Variants in KCNN3 observed in about 807,000 individuals in gnomAD.
The protein encoded by KCNN3 is small conductance calcium-activated potassium channel protein 3.
In KCNN3, 16 loss-of-function variants were observed where a neutral mutation model predicts 62.9. That is an observed-to-expected ratio of 0.25 (90% CI 0.17 to 0.39). KCNN3 has a LOEUF of 0.39. Among genes scored for constraint, KCNN3 ranks in the 10% least tolerant of loss-of-function variants. The probability of loss-of-function intolerance (pLI) is 1.00; values close to 1 mark genes in which losing one functional copy is unlikely to be tolerated. For missense variants in KCNN3, 599 were observed against 949.4 expected (o/e 0.63, Z 4.85); for synonymous variants, 370 against 389.2 (o/e 0.95, Z 0.58).
intron 3 of KCNN3, among the ~76,000 whole-genome samples, chr1:154,761,461 C>G (rs1648010216): frequency 6.6e-6 from 1 of 152,098 alleles, no homozygotes; most frequent in South Asian, 2.1e-4. Flanking sequence ...GAGCGAGACT[C>G]TATCTCATAA....
chr1:154,759,966 TTTA>T (rs1317276418), intron 3 of KCNN3, among the ~76,000 whole-genome samples: 1 of 152,084 alleles, frequency 6.6e-6, no homozygotes, highest in East Asian at 1.9e-4. Context: ...TCTTTTTTAT[TTTA>T]TTTTCTCTCT....
intron 2 of KCNN3, among the ~76,000 whole-genome samples, chr1:154,805,035 G>A (rs1650111438): frequency 1.3e-5 from 2 of 152,332 alleles, no homozygotes; most frequent in South Asian, 4.1e-4. Flanking sequence ...AGACAGCCAT[G>A]CAAGAGGGGC....
In KCNN3 at chr1:154,704,866, CG is replaced by C. The variant is rs1464070632; in HGVS notation, c.*3109del. 1.3e-5 allele frequency: 2 copies of C among 151,944 alleles called. No homozygotes were observed. Among genetic ancestry groups the C allele is most frequent in the East Asian group, 1.9e-4 (1 of 5,194 alleles). The allele number at this position is 151,944 out of a possible 1,614,324, so 9.4% of individuals were successfully genotyped here. A position where few individuals can be genotyped will look rare whatever the true frequency, so the allele number is the denominator to read the frequency against. On this transcript the variant is annotated 3_prime_UTR_variant, in exon 8 of 8. Transcript: ENST00000271915. ...CTTGGCTCACTGCAACCTCCACTTC[CG>C]GGGTTCAAGTGATTCTCCTGCCGCA...
chr1:154,736,164 C>G (rs556983344), intron 3 of KCNN3, among the ~76,000 whole-genome samples: 1 of 152,290 alleles, frequency 6.6e-6, no homozygotes, highest in Admixed American at 6.5e-5. Flanking sequence ...GACGTGCCCT[C>G]TCTGTCAATC....
intron 3 of KCNN3, among the ~76,000 whole-genome samples, chr1:154,735,951 T>C (rs2101796318): frequency 1.3e-5 from 2 of 152,302 alleles, no homozygotes; most frequent in South Asian, 4.1e-4. Context: ...AACACATAAA[T>C]GTAATACAGT....
At chr1:154,758,299 G>A (rs989554043) in intron 3 of KCNN3, among the ~76,000 whole-genome samples, 6 of 152,322 alleles carry the variant, frequency 3.9e-5, no homozygotes, top group African/African-American at 1.4e-4. Flanking sequence ...CCTGAGTTCA[G>A]GCAGTCCTGA....
chr1:154,847,602 C>A (rs886185620), intron 1 of KCNN3, among the ~76,000 whole-genome samples: 1 of 152,186 alleles, frequency 6.6e-6, no homozygotes, highest in African/African-American at 2.4e-5. Context: ...CCCTAGATTT[C>A]TTCTGAATAT....
chr1:154,757,199 G>A (rs138901272), intron 3 of KCNN3, among the ~76,000 whole-genome samples: 9 of 152,368 alleles, frequency 5.9e-5, no homozygotes, highest in Non-Finnish European at 1.3e-4. Flanking sequence ...AATCTGTTGA[G>A]AAATCTGCGG....
chr1:154,835,396 C>A (rs1210023597), intron 1 of KCNN3, among the ~76,000 whole-genome samples: 1 of 152,124 alleles, frequency 6.6e-6, no homozygotes, highest in Non-Finnish European at 1.5e-5. Flanking sequence ...AGAATTGGGG[C>A]CCCCTTCCCG....
rs1048298401 is a variant in KCNN3 at position 154,711,101 on chromosome 1, T to C, written c.1899+2363A>G. ...AAGACTTGGAACCAACCCAAATGTCTGACAATGATAGACTGGATTAAGAAA... is the reference window on the plus strand; with the variant it reads ...AAGACTTGGAACCAACCCAAATGTCCGACAATGATAGACTGGATTAAGAAA... On this transcript the variant is annotated intron_variant, in intron 7 of 7. Transcript: ENST00000271915. Among the ~76,000 whole-genome samples the C allele has an allele frequency of 6.2e-4, 95 of 152,076 alleles. 1 individual carries two copies. Among genetic ancestry groups the C allele is most frequent in the Middle Eastern group, 3.4e-3 (1 of 294 alleles).
intron 2 of KCNN3, among the ~76,000 whole-genome samples, chr1:154,793,069 A>G (rs1158920692): frequency 6.6e-6 from 1 of 152,214 alleles, no homozygotes; most frequent in East Asian, 1.9e-4. Context: ...TCTCACCACA[A>G]ACACCTAGAA....
chr1:154,755,917 GAGA>G (rs775605987), intron 3 of KCNN3, among the ~76,000 whole-genome samples: 2,960 of 114,938 alleles, frequency 0.026, 57 homozygotes, highest in African/African-American at 0.047. Flanking sequence ...AGAAGAAGAA[GAGA>G]AGAAGAAGAG....
At chr1:154,847,205 C>A (rs147821402) in intron 1 of KCNN3, among the ~76,000 whole-genome samples, 3 of 150,936 alleles carry the variant, frequency 2.0e-5, no homozygotes, top group Admixed American at 1.3e-4. Context: ...CTCCTCACTA[C>A]CCCCCCCTGC....
At chr1:154,844,337 G>C (rs1471948566) in intron 1 of KCNN3, among the ~76,000 whole-genome samples, 1 of 152,226 alleles carries the variant, frequency 6.6e-6, no homozygotes, top group African/African-American at 2.4e-5. Flanking sequence ...TCTTTCATTA[G>C]ACATGAAAAC....
intron 1 of KCNN3, among the ~76,000 whole-genome samples, chr1:154,827,953 A>T (rs1200917486): frequency 2.6e-5 from 4 of 152,164 alleles, no homozygotes; most frequent in Admixed American, 1.3e-4. Flanking sequence ...GACAGAATGA[A>T]GTCACTCAGA....
At chr1:154,732,061 G>A (rs374183635) in intron 4 of KCNN3, among the ~76,000 whole-genome samples, 3 of 152,186 alleles carry the variant, frequency 2.0e-5, no homozygotes, top group East Asian at 3.9e-4. Flanking sequence ...CCTGTGTGTG[G>A]CCGCTTCTCG....
chr1:154,839,764 TGGCCA>T (rs1651751130), intron 1 of KCNN3, among the ~76,000 whole-genome samples: 2 of 356 alleles, frequency 5.6e-3, no homozygotes, highest in Non-Finnish European at 0.029. Context: ...CTGGGGGCCC[TGGCCA>T]CTGGCCACTG....
At chr1:154,725,436 G>A (rs375925284) in intron 5 of KCNN3, among the ~76,000 whole-genome samples, 32 of 152,098 alleles carry the variant, frequency 2.1e-4, no homozygotes, top group African/African-American at 6.8e-4. Flanking sequence ...ACAGGAACCC[G>A]GCGTATGAAG....
chr1:154,812,920 T>C (rs752313517), intron 2 of KCNN3, among the ~76,000 whole-genome samples: 9 of 152,212 alleles, frequency 5.9e-5, no homozygotes, highest in Non-Finnish European at 5.9e-5. Context: ...AGGTCAGTCA[T>C]TGTTACCAAA....
Sources: gnomAD v4.1 joint callset for allele counts (sites outside exome capture counted in the v4.1 genomes callset) on GRCh38, gnomAD v4.1.1 for gene constraint, MANE v1.5 for transcripts, NCBI Gene and HGNC (gene_info 2026-07-23, HGNC 2026-07-21) for gene names.